STK32A: variants seen among roughly 807,000 people sequenced by gnomAD.
The protein encoded by STK32A is serine/threonine-protein kinase 32A.
STK32A carries 41 observed loss-of-function variants against 53.2 expected under a neutral mutation model. That is an observed-to-expected ratio of 0.77 (90% confidence interval 0.60 to 1.00). The LOEUF (loss-of-function observed/expected upper bound fraction) is 1.00. STK32A is among the 50% of genes least tolerant of loss of function. The pLI, the probability that STK32A is intolerant of heterozygous loss-of-function variation, is 0.00. For missense variants in STK32A, 458 were observed against 485.8 expected, an observed-to-expected ratio of 0.94 and a Z score of 0.54; for synonymous variants, 166 against 162.8, an observed-to-expected ratio of 1.02 and a Z score of -0.15.
intron 2 of STK32A, among the ~76,000 whole-genome samples, chr5:147,249,894 G>A (rs1199604097): frequency 2.0e-5 from 2 of 101,908 alleles, no homozygotes; most frequent in Admixed American, 1.5e-4. Flanking sequence ...GGGCAACAGA[G>A]TAAGCCTCTG....
At chr5:147,347,524 C>T (rs1045216257) in intron 6 of STK32A, among the ~76,000 whole-genome samples, 10 of 152,234 alleles carry the variant, frequency 6.6e-5, no homozygotes, top group African/African-American at 2.4e-4. Context: ...GAGGTGATAT[C>T]AGCAGCTAGT....
intron 2 of STK32A, among the ~76,000 whole-genome samples, chr5:147,265,303 A>C (rs17106339): frequency 0.063 from 9,576 of 151,952 alleles, 1,060 homozygotes; most frequent in African/African-American, 0.22. Flanking sequence ...CAAAGCATTC[A>C]ATCTTCGTTA....
the STK32A span, among the ~76,000 whole-genome samples, chr5:147,395,088 T>G: frequency 6.6e-6 from 1 of 152,214 alleles, no homozygotes; most frequent in Non-Finnish European, 1.5e-5. Context: ...GTAGCTAGTG[T>G]TAGCATTATT....
At chr5:147,260,476 T>G (rs13163858) in intron 2 of STK32A, among the ~76,000 whole-genome samples, 14,000 of 151,016 alleles carry the variant, frequency 0.093, 804 homozygotes, top group Middle Eastern at 0.18. Context: ...AAAGGGGGGG[T>G]TTATGTGAGG....
chr5:147,286,527 T>C (rs913094891), intron 4 of STK32A, among the ~76,000 whole-genome samples: 5 of 152,178 alleles, frequency 3.3e-5, no homozygotes, highest in Admixed American at 6.6e-5. Flanking sequence ...TGTTTCAACA[T>C]TTTCCTTTTG....
chr5:147,252,072 A>G (rs1754024268), intron 2 of STK32A, among the ~76,000 whole-genome samples: 1 of 151,798 alleles, frequency 6.6e-6, no homozygotes, highest in Admixed American at 6.6e-5. Context: ...GTATGGTGGC[A>G]GGAGATCAAG....
In STK32A at chr5:147,289,919, G is replaced by A. The variant is rs1260353950; in HGVS notation, c.260+10521G>A. 2.6e-5 allele frequency among the ~76,000 whole-genome samples: 4 copies of A among 152,212 alleles called. No individual in the cohort carries two copies. In the East Asian group the frequency reaches 7.7e-4, roughly 29 times the overall value. ...AAACAAGTTATAATTTGATTGCTAG[G>A]TGAAATACAAGATGCACAGTTATAT... On this transcript the variant is annotated intron_variant, in intron 4 of 12. Coordinates refer to ENST00000397936, the MANE Select transcript of STK32A (RefSeq NM_001112724.2).
intron 7 of STK32A, among the ~76,000 whole-genome samples, chr5:147,351,895 C>A (rs528919099): frequency 5.1e-4 from 78 of 152,120 alleles, no homozygotes; most frequent in African/African-American, 1.9e-3. Context: ...CAGTAATAAG[C>A]AAAATGATAA....
At chr5:147,363,679 C>T (rs1756616488) in intron 8 of STK32A, among the ~76,000 whole-genome samples, 1 of 152,220 alleles carries the variant, frequency 6.6e-6, no homozygotes, top group Non-Finnish European at 1.5e-5. Flanking sequence ...AAACTGGCAG[C>T]ATCTGCTAGT....
chr5:147,366,475 A>G (rs1756751175), intron 8 of STK32A, among the ~76,000 whole-genome samples: 1 of 152,174 alleles, frequency 6.6e-6, no homozygotes. Context: ...AGGTTTTTCT[A>G]GATCTCTTTA....
chr5:147,262,304 G>T (rs1019707662), intron 2 of STK32A, among the ~76,000 whole-genome samples: 1 of 152,042 alleles, frequency 6.6e-6, no homozygotes, highest in African/African-American at 2.4e-5. Flanking sequence ...ATAATCCTGA[G>T]ATTTAAACCA....
chr5:147,316,262 A>T (rs1203920118), intron 4 of STK32A, among the ~76,000 whole-genome samples: 2 of 152,238 alleles, frequency 1.3e-5, no homozygotes, highest in Non-Finnish European at 2.9e-5. Context: ...GTAAACTGAA[A>T]GCATTATTAT....
At chr5:147,239,930 G>A in intron 2 of STK32A, 1 of 466,876 alleles carries the variant, frequency 2.1e-6, no homozygotes, top group Non-Finnish European at 3.8e-6. Flanking sequence ...AAAGGGAGCT[G>A]CAGTTGGGCA....
chr5:147,337,783 A>T (rs1343452899), intron 5 of STK32A, among the ~76,000 whole-genome samples: 1 of 152,116 alleles, frequency 6.6e-6, no homozygotes, highest in Non-Finnish European at 1.5e-5. Context: ...GGAATTGAGG[A>T]TATGAGTTTT....
chr5:147,314,530 A>C (rs71592198), intron 4 of STK32A, among the ~76,000 whole-genome samples: 2,126 of 128,362 alleles, frequency 0.017, 36 homozygotes, highest in Middle Eastern at 0.048. Context: ...AAAAAAACAA[A>C]AAAAAAAAAA....
intron 5 of STK32A, among the ~76,000 whole-genome samples, chr5:147,339,044 G>A (rs1342480637): frequency 3.9e-5 from 6 of 152,216 alleles, no homozygotes; most frequent in Non-Finnish European, 8.8e-5. Context: ...ATTTGCATCA[G>A]TAATGAGGAG....
At chr5:147,351,900 T>C (rs1049467013) in intron 7 of STK32A, among the ~76,000 whole-genome samples, 1 of 152,032 alleles carries the variant, frequency 6.6e-6, no homozygotes, top group Non-Finnish European at 1.5e-5. Flanking sequence ...ATAAGCAAAA[T>C]GATAATAAGT....
chr5:147,272,221 C>T (rs1047407694), intron 2 of STK32A, among the ~76,000 whole-genome samples: 5 of 152,080 alleles, frequency 3.3e-5, no homozygotes, highest in Non-Finnish European at 7.4e-5. Flanking sequence ...GGATTATAGG[C>T]GCACACCACC....
chr5:147,276,643 C>A (rs548090052), intron 2 of STK32A, among the ~76,000 whole-genome samples: 13 of 152,288 alleles, frequency 8.5e-5, no homozygotes, highest in African/African-American at 2.9e-4. Flanking sequence ...TCTGAGGTGG[C>A]AGGGGAACCA....
Sources: allele counts gnomAD v4.1 joint callset (sites outside exome capture counted in the v4.1 genomes callset), GRCh38; gene constraint gnomAD v4.1.1; transcripts MANE v1.5; gene names NCBI Gene and HGNC (gene_info 2026-07-23, HGNC 2026-07-21).